The following CHD1 variants were observed in gnomAD, a reference collection of about 807,000 sequenced individuals.
CHD1 encodes the protein chromodomain helicase DNA binding protein 1.
In CHD1, 36 loss-of-function variants were observed where a neutral mutation model predicts 224.2. That is an observed-to-expected ratio of 0.16 (90% confidence interval 0.12 to 0.21). The LOEUF (loss-of-function observed/expected upper bound fraction) is 0.21, where lower values mean the gene tolerates loss of function less well. CHD1 is among the 10% of genes least tolerant of loss of function. The probability of loss-of-function intolerance (pLI) is 1.00; values close to 1 mark genes in which losing one functional copy is unlikely to be tolerated. For synonymous variants in CHD1, 668 were observed against 658.3 expected (o/e 1.01, Z -0.23); for missense variants, 1,378 against 1,994.8 (o/e 0.69, Z 5.89).
chr5:98,874,939 T>C (rs1312796684), intron 25 of CHD1, 133 bp downstream of exon 25: 11 of 591,518 alleles, frequency 1.9e-5, no homozygotes, highest in Non-Finnish European at 3.1e-5. Flanking sequence ...AAATTTCCCT[T>C]GTACATTAAT....
intron 7 of CHD1, 101 bp downstream of exon 7, chr5:98,900,710 C>CA: frequency 3.8e-6 from 4 of 1,061,618 alleles, no homozygotes; most frequent in Non-Finnish European, 5.5e-6. Context: ...CCTCGGCCCC[C>CA]CAAAGTACTG....
At chr5:98,859,133 TTA>T (rs1264303033) in intron 33 of CHD1, 118 bp from the exon 34 acceptor site, 3 of 721,026 alleles carry the variant, frequency 4.2e-6, no homozygotes, top group Middle Eastern at 2.9e-4. Context: ...ATTAGAATGT[TTA>T]TGTGTGTATA....
chr5:98,872,553 C>T lies in CHD1; in HGVS notation c.3574G>A (p.Gly1192Ser). ...DSSSGTERTG[G>S]RLGKVKGPTF... ...GGACCCTTCACTTTTCCGAGTCTAC[C>T]ACCTTGATTTTTTTTAAAAAAACCA... Residue 1192 changes from glycine to serine, a missense_variant and splice_region_variant, in exon 27 of 36, where the codon GGT becomes AGT. Around this residue, in one of 16 missense-constraint regions of CHD1, gnomAD observed 286 missense variants for 445.1 expected, o/e 0.64. Coordinates refer to ENST00000614616, the MANE Select transcript of CHD1 (RefSeq NM_001270.4). The T allele has an allele frequency of 1.2e-6, 2 of 1,611,586 alleles. No homozygotes were observed. The highest frequency in any genetic ancestry group is 1.7e-6 in the Non-Finnish European group (2 of 1,179,286).
intron 5 of CHD1, 48 bp from the exon 6 acceptor site, chr5:98,901,383 G>A (rs1751701318): frequency 6.8e-6 from 10 of 1,463,886 alleles, no homozygotes; most frequent in Non-Finnish European, 9.3e-6. Context: ...TATATGGCAA[G>A]TTTTATCCCT....
At chr5:98,867,795 GTTTTTTTTTT>G (rs71619163) in intron 31 of CHD1, among the ~76,000 whole-genome samples, 6 of 98,064 alleles carry the variant, frequency 6.1e-5, no homozygotes, top group African/African-American at 2.0e-4. Flanking sequence ...TATCTTCCTT[GTTTTTTTTTT>G]TTTTTTTTTT....
rs1159547650 is a variant in CHD1 at position 98,925,772 on chromosome 5, T to C, written c.53+562A>G. On this transcript the variant is annotated intron_variant, in intron 2 of 35. Transcript: ENST00000614616. ...TCTGGCTCAGCACTGTCTAAAACTTTCTCCAGTGATAGAATGTTTTCTATG... is the reference window on the plus strand; with the variant it reads ...TCTGGCTCAGCACTGTCTAAAACTTCCTCCAGTGATAGAATGTTTTCTATG... Among the ~76,000 whole-genome samples the C allele has an allele frequency of 2.0e-5, 3 of 151,518 alleles. No homozygotes were observed. The South Asian group carries it at 6.3e-4, about 32-fold the overall frequency.
chr5:98,881,512 CTT>C (rs375349850), intron 20 of CHD1, 137 bp from the exon 21 acceptor site: 13,558 of 429,566 alleles, frequency 0.032, no homozygotes, highest in South Asian at 0.041. Flanking sequence ...TATTAGAATC[CTT>C]TTTTTTTTTT....
Position 98,926,379 on chromosome 5 carries a change from C to G in CHD1, c.8G>C (p.Gly3Ala). ...TCTAACACTTTCTTCATCACTGTGTCCATTCATTGTAAATTATTATCAAGA... is the reference window on the plus strand; with the variant it reads ...TCTAACACTTTCTTCATCACTGTGTGCATTCATTGTAAATTATTATCAAGA... MN[G>A]HSDEESVRNS... Residue 3 changes from glycine (G) to alanine (A), a missense_variant, in exon 2 of 36, where the codon GGA becomes GCA. Around this residue, in one of 16 missense-constraint regions of CHD1, gnomAD observed 306 missense variants for 298.1 expected, o/e 1.03. Coordinates refer to ENST00000614616, the MANE Select transcript of CHD1 (RefSeq NM_001270.4). 6.7e-7 allele frequency: 1 copy of G among 1,495,972 alleles called. No homozygotes were observed. The highest frequency in any genetic ancestry group is 1.3e-5 in the South Asian group (1 of 76,736). 92.7% of individuals were successfully genotyped at this position (1,495,972 alleles called of 1,614,324 possible).
Position 98,866,834 on chromosome 5 carries a change from G to A in CHD1, c.4248+1661C>T, listed in dbSNP as rs555451844. ...CTAGTTAAAGCCAAACTACATTATC[G>A]GTCTCGTATCACTCAGCCCTTTTTT... On this transcript the variant is annotated intron_variant, in intron 31 of 35. Transcript: ENST00000614616. 8.6e-5 allele frequency among the ~76,000 whole-genome samples: 13 copies of A among 152,022 alleles called. No homozygotes were observed. In the East Asian group the frequency reaches 1.3e-3, roughly 16 times the overall value.
Position 98,881,131 on chromosome 5 carries a change from T to C in CHD1, c.3005A>G (p.His1002Arg), listed in dbSNP as rs1300158137. Residue 1002 changes from histidine to arginine, a missense_variant, in exon 22 of 36, where the codon CAT becomes CGT. By Grantham distance (29) the His-to-Arg change is conservative. This residue lies in a region of CHD1 where 286 missense variants were observed against 445.1 expected (regional missense o/e 0.64). Coordinates refer to ENST00000614616, the MANE Select transcript of CHD1 (RefSeq NM_001270.4). ...AGTTAAAGGACCTGGTTCATTTTCATGAGTTTCAGCTCTCTTCAAGATTTC... is the reference window on the plus strand; with the variant it reads ...AGTTAAAGGACCTGGTTCATTTTCACGAGTTTCAGCTCTCTTCAAGATTTC... Reference protein sequence around the residue: ...IDEILKRAETHENEPGPLTVG... With the variant: ...IDEILKRAETRENEPGPLTVG... 1 of 1,611,162 alleles carries C rather than the reference T, an allele frequency of 6.2e-7. No individual in the cohort carries two copies. Among genetic ancestry groups the C allele is most frequent in the Admixed American group, 1.7e-5 (1 of 59,798 alleles).
chr5:98,892,842 TAA>T, intron 14 of CHD1, 129 bp from the exon 15 acceptor site: 1 of 505,072 alleles, frequency 2.0e-6, no homozygotes, highest in Non-Finnish European at 3.4e-6. Flanking sequence ...AAAAATTAGC[TAA>T]ACTTAGTTAC....
At position 98,858,273 on chromosome 5, in the gene CHD1, G is replaced by C; in HGVS notation, c.4694C>G (p.Ser1565Cys). Residue 1565 changes from serine to cysteine, a missense_variant, in exon 35 of 36, where the codon TCT (serine) becomes TGT (cysteine). Physicochemically the swap from Ser to Cys is moderately radical, Grantham distance 112. Coordinates refer to ENST00000614616, the MANE Select transcript of CHD1 (RefSeq NM_001270.4). ...TTTCCTGGAATCACTTTTTTTGTAA[G>C]AATCTCCCTGATGTCGGTCTTTATG... ...DHHKDRHQGD[S>C]YKKSDSRKRP... 1 of 1,613,150 alleles carries C rather than the reference G, an allele frequency of 6.2e-7. No homozygotes were observed. Among genetic ancestry groups the C allele is most frequent in the Non-Finnish European group, 8.5e-7 (1 of 1,179,264 alleles).
chr5:98,874,076 A>G (rs1749558168), intron 25 of CHD1, among the ~76,000 whole-genome samples: 2 of 118,300 alleles, frequency 1.7e-5, no homozygotes, highest in African/African-American at 4.4e-5. Context: ...ACTTTTTATT[A>G]CTGTGCACCA....
chr5:98,887,768 TC>T (rs1750748920), intron 17 of CHD1, among the ~76,000 whole-genome samples: 1 of 152,088 alleles, frequency 6.6e-6, no homozygotes, highest in African/African-American at 2.4e-5. Context: ...GACTAAAGGC[TC>T]CCCTGCTTTT....
chr5:98,873,412 C>T (rs551897618), intron 26 of CHD1, among the ~76,000 whole-genome samples, 181 bp downstream of exon 26: 25 of 152,260 alleles, frequency 1.6e-4, no homozygotes, highest in South Asian at 2.1e-4. Context: ...ACAGATTCTA[C>T]TGCCTTCGAA....
chr5:98,903,045 T>A, intron 4 of CHD1, 81 bp from the exon 5 acceptor site: 1 of 731,940 alleles, frequency 1.4e-6, no homozygotes, highest in Non-Finnish European at 2.2e-6. Context: ...CTATACTATT[T>A]AACATTCACT....
intron 1 of CHD1, among the ~76,000 whole-genome samples, chr5:98,926,992 T>G (rs1009142271): frequency 5.3e-5 from 8 of 150,194 alleles, no homozygotes; most frequent in African/African-American, 2.0e-4. Flanking sequence ...TACACTTGAG[T>G]GAGAAAGTTC....
At chr5:98,905,584 T>C (rs1751995926) in intron 2 of CHD1, among the ~76,000 whole-genome samples, 1 of 152,204 alleles carries the variant, frequency 6.6e-6, no homozygotes, top group Admixed American at 6.5e-5. Flanking sequence ...TGTTTTCAAG[T>C]TTCCATCTCT....
chr5:98,889,190 G>C lies in CHD1; in HGVS notation c.2229C>G (p.Gly743=). 1 of 1,610,294 alleles carries C rather than the reference G, an allele frequency of 6.2e-7. No individual in the cohort carries two copies. The highest frequency in any genetic ancestry group is 8.5e-7 in the Non-Finnish European group (1 of 1,177,694). Residue 743 remains glycine, a synonymous_variant, in exon 16 of 36, where the codon GGC becomes GGG. Coordinates refer to ENST00000614616, the MANE Select transcript of CHD1 (RefSeq NM_001270.4). ...NYKALSKGSK[G]STSGFLNIMM... ...TAATGTTCAAAAAGCCTGAGGTACTGCCCTTGGAACCTTTGCTGAGGGCTT... is the reference window on the plus strand; with the variant it reads ...TAATGTTCAAAAAGCCTGAGGTACTCCCCTTGGAACCTTTGCTGAGGGCTT...
Sources: gnomAD v4.1 joint callset for allele counts (sites outside exome capture counted in the v4.1 genomes callset) on GRCh38, gnomAD v4.1.1 for gene constraint, gnomAD v4.1.1 regional missense constraint, MANE v1.5 for transcripts, NCBI Gene and HGNC (gene_info 2026-07-23, HGNC 2026-07-21) for gene names.